Variants in HS6ST2 observed in about 807,000 individuals in gnomAD.
HS6ST2 encodes the protein heparan-sulfate 6-O-sulfotransferase 2.
In HS6ST2, 17 loss-of-function variants were observed where a neutral mutation model predicts 33.0. The observed-to-expected ratio is 0.52, with a 90% CI of 0.35 to 0.77. HS6ST2 has a LOEUF of 0.77. HS6ST2 is among the 30% of genes least tolerant of loss of function. The pLI, the probability that HS6ST2 is intolerant of heterozygous loss-of-function variation, is 0.01. For synonymous variants in HS6ST2, 248 were observed against 237.1 expected, an observed-to-expected ratio of 1.05 and a Z score of -0.42; for missense variants, 519 against 551.7, an observed-to-expected ratio of 0.94 and a Z score of 0.59.
intron 2 of HS6ST2, among the ~76,000 whole-genome samples, chrX:132,886,379 A>C (rs1306473802): frequency 1.8e-5 from 2 of 111,648 alleles, no homozygotes; most frequent in East Asian, 5.6e-4. Context: ...ATAAATCTAT[A>C]GAAATTATCT....
At chrX:132,723,647 A>G (rs776672799) in intron 2 of HS6ST2, among the ~76,000 whole-genome samples, 39 of 111,704 alleles carry the variant, frequency 3.5e-4, no homozygotes, top group Non-Finnish European at 6.4e-4. Context: ...CCCTCAAAAA[A>G]CTGGGTATAC....
intron 2 of HS6ST2, among the ~76,000 whole-genome samples, chrX:132,714,615 G>C (rs151281645): frequency 9.0e-6 from 1 of 111,330 alleles, no homozygotes; most frequent in Non-Finnish European, 1.9e-5. Context: ...CACCGTGCCC[G>C]GCCAATAACA....
chrX:132,848,137 G>A (rs946247937), intron 2 of HS6ST2, among the ~76,000 whole-genome samples: 2 of 111,624 alleles, frequency 1.8e-5, no homozygotes, highest in African/African-American at 6.5e-5. Context: ...TTTCTGAGCA[G>A]GCTAAGAAGG....
At chrX:132,643,982 T>C (rs952233898) in intron 4 of HS6ST2, among the ~76,000 whole-genome samples, 1 of 112,095 alleles carries the variant, frequency 8.9e-6, no homozygotes, top group African/African-American at 3.2e-5. Flanking sequence ...TGGGCTTTTT[T>C]GTCTGGAATT....
intron 2 of HS6ST2, among the ~76,000 whole-genome samples, chrX:132,747,571 T>C: frequency 9.1e-6 from 1 of 110,437 alleles, no homozygotes. Context: ...AACCCTGAGT[T>C]CAAATCTTGG....
At chrX:132,926,202 AAAAG>A (rs1429487500) in intron 2 of HS6ST2, among the ~76,000 whole-genome samples, 3 of 112,863 alleles carry the variant, frequency 2.7e-5, no homozygotes, top group African/African-American at 9.6e-5. Flanking sequence ...CTGTATATAG[AAAAG>A]AAAGAGAGGA....
intron 2 of HS6ST2, among the ~76,000 whole-genome samples, chrX:132,812,146 C>T (rs954528419): frequency 9.1e-6 from 1 of 109,561 alleles, no homozygotes; most frequent in Non-Finnish European, 1.9e-5. Context: ...GTGGTTCACA[C>T]CTGTAATCCC....
intron 3 of HS6ST2, among the ~76,000 whole-genome samples, chrX:132,697,925 T>C (rs933477341): frequency 8.9e-6 from 1 of 111,928 alleles, no homozygotes; most frequent in Non-Finnish European, 1.9e-5. Flanking sequence ...TGTAATTAAA[T>C]GGCTATCATT....
chrX:132,836,663 G>A (rs757126031), intron 2 of HS6ST2, among the ~76,000 whole-genome samples: 1 of 112,891 alleles, frequency 8.9e-6, no homozygotes, highest in Non-Finnish European at 1.9e-5. Context: ...TTGCTTGAAG[G>A]AAGCAGCTGG....
At chrX:132,635,233 A>G (rs149852316) in intron 4 of HS6ST2, among the ~76,000 whole-genome samples, 1 of 111,781 alleles carries the variant, frequency 8.9e-6, no homozygotes, top group East Asian at 2.8e-4. Context: ...CCTCACTACT[A>G]AGAGCTAAAC....
At chrX:132,925,769 C>G (rs1300281592) in intron 2 of HS6ST2, among the ~76,000 whole-genome samples, 1 of 112,029 alleles carries the variant, frequency 8.9e-6, no homozygotes, top group Non-Finnish European at 1.9e-5. Flanking sequence ...TCTAATAACA[C>G]TTTAAAATGT....
rs775144538 is a variant in HS6ST2 at position 132,839,845 on chromosome X, G to A, written c.947+116963C>T. On this transcript the variant is annotated intron_variant, in intron 2 of 4. Transcript: ENST00000370833. ...CAAATTAGAACCTCTGGCCGGGCAC[G>A]GTGGTTCATGTCTGTGATCCCAACA... 2.5e-4 allele frequency among the ~76,000 whole-genome samples: 28 copies of A among 111,085 alleles called. No individual in the cohort carries two copies. The South Asian group carries it at 9.8e-3, about 39-fold the overall frequency.
At chrX:132,684,077 C>T (rs1272255373) in intron 3 of HS6ST2, among the ~76,000 whole-genome samples, 1 of 109,148 alleles carries the variant, frequency 9.2e-6, no homozygotes, top group Non-Finnish European at 1.9e-5. Flanking sequence ...AAGAAACACG[C>T]TGGATAATAG....
At chrX:132,707,090 G>A (rs1291544960) in intron 3 of HS6ST2, among the ~76,000 whole-genome samples, 1 of 112,302 alleles carries the variant, frequency 8.9e-6, no homozygotes, top group African/African-American at 3.2e-5. Context: ...CAATTTTAAA[G>A]CAAAAAGAAA....
chrX:132,918,715 A>G (rs1004905169), intron 2 of HS6ST2, among the ~76,000 whole-genome samples: 21 of 111,395 alleles, frequency 1.9e-4, no homozygotes, highest in Non-Finnish European at 3.6e-4. Flanking sequence ...AAAGCCCCAC[A>G]GCCTACTGAC....
intron 2 of HS6ST2, among the ~76,000 whole-genome samples, chrX:132,940,716 A>T (rs2066877727): frequency 8.9e-6 from 1 of 112,146 alleles, no homozygotes; most frequent in South Asian, 3.7e-4. Flanking sequence ...ATGCAAATCA[A>T]TACCACAATG....
chrX:132,769,807 G>A (rs2064880147), intron 2 of HS6ST2, among the ~76,000 whole-genome samples: 3 of 111,624 alleles, frequency 2.7e-5, no homozygotes, highest in African/African-American at 9.8e-5. Context: ...TGAATGTCTG[G>A]TTTTAATAAG....
At chrX:132,794,100 A>G (rs1330274610) in intron 2 of HS6ST2, among the ~76,000 whole-genome samples, 1 of 112,772 alleles carries the variant, frequency 8.9e-6, no homozygotes, top group Admixed American at 9.4e-5. Flanking sequence ...CTCTAGATAA[A>G]TAAATTTGAA....
At chrX:132,892,643 A>G (rs776843891) in intron 2 of HS6ST2, among the ~76,000 whole-genome samples, 1 of 111,490 alleles carries the variant, frequency 9.0e-6, no homozygotes, top group Non-Finnish European at 1.9e-5. Flanking sequence ...ATATGGTGAA[A>G]CCCCGTCTCT....
Sources: gnomAD v4.1 joint callset for allele counts (sites outside exome capture counted in the v4.1 genomes callset) on GRCh38, gnomAD v4.1.1 for gene constraint, MANE v1.5 for transcripts, NCBI Gene and HGNC (gene_info 2026-07-23, HGNC 2026-07-21) for gene names.